The following UNC13B variants were observed in gnomAD, a reference collection of about 807,000 sequenced individuals.
UNC13B encodes the protein protein unc-13 homolog B.
Under a neutral mutation model 211.0 loss-of-function variants are expected in UNC13B, and 144 were observed. That is an observed-to-expected ratio of 0.68 (90% CI 0.60 to 0.78). The LOEUF (loss-of-function observed/expected upper bound fraction) is 0.78, where lower values mean the gene tolerates loss of function less well. Ranked by LOEUF, UNC13B falls within the 30% of genes least tolerant of loss-of-function variation. The pLI is 0.00. For synonymous variants in UNC13B, 709 were observed against 725.8 expected (o/e 0.98, Z 0.37); for missense variants, 1,777 against 2,002.0 (o/e 0.89, Z 2.14).
At chr9:35,183,636 C>T (rs1380075801) in intron 1 of UNC13B, among the ~76,000 whole-genome samples, 1 of 145,694 alleles carries the variant, frequency 6.9e-6, no homozygotes, top group African/African-American at 2.6e-5. Context: ...GGCAGAGGCA[C>T]TCCTCACATC....
intron 13 of UNC13B, 54 bp downstream of exon 13, chr9:35,370,450 T>C (rs1208206452): frequency 6.5e-7 from 1 of 1,548,030 alleles, no homozygotes; most frequent in Non-Finnish European, 8.9e-7. Flanking sequence ...TATCCCCCAT[T>C]GGGCCTTGGC....
chr9:35,281,192 G>A (rs1828464457), intron 7 of UNC13B, among the ~76,000 whole-genome samples: 1 of 151,428 alleles, frequency 6.6e-6, no homozygotes, highest in Admixed American at 6.6e-5. Flanking sequence ...GGAGGTTGCA[G>A]TGAGCCGAGA....
intron 6 of UNC13B, among the ~76,000 whole-genome samples, chr9:35,255,522 GTTTTTAA>G (rs1174418800): frequency 1.3e-5 from 2 of 152,110 alleles, no homozygotes; most frequent in African/African-American, 4.8e-5. Context: ...GGGCATCAGA[GTTTTTAA>G]AGATAATTTG....
rs531158162 is a variant in UNC13B at position 35,375,297 on chromosome 9, A to G, written c.9615+96A>G. 2.3e-4 allele frequency: 303 copies of G among 1,336,912 alleles called. No homozygotes were observed. The African/African-American group carries it at 3.5e-3, about 15-fold the overall frequency. The allele number at this position is 1,336,912 out of a possible 1,614,324, so 82.8% of individuals were successfully genotyped here. A position where few individuals can be genotyped will look rare whatever the true frequency, so the allele number is the denominator to read the frequency against. ...TAATAATTGGGAATTCTGGGAATTC[A>G]AGAGTGCTGGACACACATTGCTGAT... is the stretch of plus-strand genomic sequence containing the variant. On this transcript the variant is annotated intron_variant, in intron 14 of 39. Transcript: ENST00000635942.
At chr9:35,276,118 C>G (rs1828160343) in intron 7 of UNC13B, among the ~76,000 whole-genome samples, 2 of 151,878 alleles carry the variant, frequency 1.3e-5, no homozygotes, top group South Asian at 4.2e-4. Flanking sequence ...CCAGCCTGAG[C>G]AACATGATGA....
chr9:35,186,451 G>A (rs1268448165), intron 1 of UNC13B, among the ~76,000 whole-genome samples: 1 of 152,184 alleles, frequency 6.6e-6, no homozygotes, highest in African/African-American at 2.4e-5. Context: ...AGATGTTGAA[G>A]AATCTGTGTT....
intron 15 of UNC13B, among the ~76,000 whole-genome samples, chr9:35,376,716 A>G (rs979704903): frequency 1.3e-5 from 2 of 152,252 alleles, no homozygotes; most frequent in African/African-American, 4.8e-5. Flanking sequence ...CAATAGTGCC[A>G]GAAATAGAAA....
chr9:35,376,067 T>G lies in UNC13B; in HGVS notation c.9655T>G (p.Tyr3219Asp). 6.2e-7 allele frequency: 1 copy of G among 1,614,232 alleles called. No individual in the cohort carries two copies. The highest frequency in any genetic ancestry group is 8.5e-7 in the Non-Finnish European group (1 of 1,180,038). Residue 3219 changes from tyrosine to aspartate, a missense_variant, in exon 15 of 40, where the codon TAC becomes GAC. Coordinates refer to ENST00000635942, the MANE Select transcript of UNC13B (RefSeq NM_001371189.2). Reference protein sequence around the residue: ...VYKKTLQALIYPISCTTPHNF... With the variant: ...VYKKTLQALIDPISCTTPHNF... ...TAAGAAAACCCTGCAGGCCTTAATC[T>G]ACCCCATTTCGTGCACCACTCCTCA...
At chr9:35,176,319 G>T (rs965071345) in intron 1 of UNC13B, among the ~76,000 whole-genome samples, 2 of 151,948 alleles carry the variant, frequency 1.3e-5, no homozygotes, top group African/African-American at 4.8e-5. Context: ...AGGCTGAGGC[G>T]GGTAGATCAC....
At chr9:35,249,322 G>T (rs1305900011) in intron 6 of UNC13B, among the ~76,000 whole-genome samples, 1 of 152,134 alleles carries the variant, frequency 6.6e-6, no homozygotes, top group African/African-American at 2.4e-5. Flanking sequence ...TTGCCAGTCT[G>T]TGTCTTTTAA....
chr9:35,212,488 G>A (rs1177748779), intron 1 of UNC13B, among the ~76,000 whole-genome samples: 2 of 152,150 alleles, frequency 1.3e-5, no homozygotes, highest in African/African-American at 4.8e-5. Flanking sequence ...CACAAGAATC[G>A]CTTCAACCCA....
Position 35,301,635 on chromosome 9 carries a change from C to G in UNC13B, c.2231C>G (p.Ala744Gly). The G allele has an allele frequency of 2.5e-6, 1 of 398,774 alleles. No homozygotes were observed. The highest frequency in any genetic ancestry group is 4.4e-6 in the Non-Finnish European group (1 of 225,926). 24.7% of individuals were successfully genotyped at this position (398,774 alleles called of 1,614,324 possible). ...GAACCTTCAAACTTAGTTAGTTCTG[C>G]AAGTAAAAATGATGAGAGTCTATTG... ...TSEPSNLVSS[A>G]SKNDESLLEE... is the part of the protein sequence containing the mutation. The change falls in exon 9 of 40, where the codon GCA becomes GGA. Residue 744 changes from alanine to glycine, a missense_variant. Transcript: ENST00000635942.
At position 35,200,413 on chromosome 9, in the gene UNC13B, A is replaced by G. The variant is rs1269530406; in HGVS notation, c.23-27602A>G. 3.3e-5 allele frequency among the ~76,000 whole-genome samples: 5 copies of G among 152,344 alleles called. No homozygotes were observed. In the East Asian group the frequency reaches 9.6e-4, roughly 29 times the overall value. On this transcript the variant is annotated intron_variant, in intron 1 of 39. Transcript: ENST00000635942. Reference sequence around the variant, plus strand: ...TTGATGGGGATGGCATTGAATCTATAAATTACCTTGGGCAGTATGGCCATT... The same window carrying G: ...TTGATGGGGATGGCATTGAATCTATGAATTACCTTGGGCAGTATGGCCATT...
intron 1 of UNC13B, among the ~76,000 whole-genome samples, chr9:35,207,478 T>TTTTATTTA (rs56280520): frequency 0.71 from 101,731 of 142,780 alleles, 36,562 homozygotes; most frequent in Middle Eastern, 0.8. Flanking sequence ...AGAAATTAAT[T>TTTTATTTA]TTTATTTATT....
At chr9:35,390,481 C>T (rs908260751) in intron 25 of UNC13B, 148 bp from the exon 26 acceptor site, 1 of 863,072 alleles carries the variant, frequency 1.2e-6, no homozygotes, top group African/African-American at 1.7e-5. Context: ...CCCCTGGGCC[C>T]CTTTTCTCCA....
intron 2 of UNC13B, 61 bp downstream of exon 2, chr9:35,228,105 T>A (rs1057427689): frequency 3.5e-6 from 5 of 1,411,002 alleles, no homozygotes; most frequent in South Asian, 2.7e-5. Context: ...CAAAGCAATT[T>A]AAAAAAATTA....
chr9:35,165,410 A>ATT (rs535456762), intron 1 of UNC13B, among the ~76,000 whole-genome samples: 6 of 136,526 alleles, frequency 4.4e-5, no homozygotes, highest in Non-Finnish European at 7.9e-5. Context: ...ATTGACTTGA[A>ATT]TTTTTTTTTT....
intron 2 of UNC13B, among the ~76,000 whole-genome samples, chr9:35,228,660 A>G (rs892721435): frequency 6.6e-6 from 1 of 151,820 alleles, no homozygotes; most frequent in Non-Finnish European, 1.5e-5. Flanking sequence ...CATGTGAAAC[A>G]TATCTTATGC....
rs138908690 is a variant in UNC13B, at chr9:35,215,267, G to A, written c.23-12748G>A. ...AAATTTAAAAAATTAGCTAGGTGTG[G>A]TGGCACACGCCTGTAATCCCAGCTA... On this transcript the variant is annotated intron_variant, in intron 1 of 39. Transcript: ENST00000635942. Among the ~76,000 whole-genome samples the A allele has an allele frequency of 4.6e-4, 70 of 152,214 alleles. 1 individual carries two copies. Among genetic ancestry groups the A allele is most frequent in the South Asian group, 3.1e-3 (15 of 4,822 alleles).
Sources: allele counts gnomAD v4.1 joint callset (sites outside exome capture counted in the v4.1 genomes callset), GRCh38; gene constraint gnomAD v4.1.1; transcripts MANE v1.5; gene names NCBI Gene and HGNC (gene_info 2026-07-23, HGNC 2026-07-21).